Variants in LRMDA observed in about 807,000 individuals in gnomAD.
LRMDA encodes leucine-rich melanocyte differentiation-associated protein.
Under a neutral mutation model 29.8 loss-of-function variants are expected in LRMDA, and 18 were observed. The ratio of observed to expected loss-of-function variants is 0.60; its 90% confidence interval spans 0.42 to 0.90. The LOEUF is 0.90. Among genes scored for constraint, LRMDA ranks in the 40% least tolerant of loss-of-function variants. The pLI is 0.00. For synonymous variants in LRMDA, 125 were observed against 109.4 expected (o/e 1.14, Z -0.89); for missense variants, 273 against 273.9 (o/e 1.00, Z 0.02).
At chr10:76,074,955 T>C (rs1314491757) in intron 5 of LRMDA, among the ~76,000 whole-genome samples, 1 of 152,106 alleles carries the variant, frequency 6.6e-6, no homozygotes, top group East Asian at 1.9e-4. Context: ...GGCTCTGCAT[T>C]TTTCTTGGGC....
chr10:76,061,143 C>A (rs1848695588), intron 5 of LRMDA, among the ~76,000 whole-genome samples: 1 of 152,100 alleles, frequency 6.6e-6, no homozygotes, highest in East Asian at 1.9e-4. Flanking sequence ...AGTGACAGAT[C>A]AGATAAAGAA....
At chr10:75,704,121 T>C (rs764420172) in intron 2 of LRMDA, among the ~76,000 whole-genome samples, 21 of 152,192 alleles carry the variant, frequency 1.4e-4, no homozygotes, top group Non-Finnish European at 1.8e-4. Flanking sequence ...CTCTGACATA[T>C]TTTAGAAAGG....
chr10:76,173,474 T>C (rs769635905), intron 5 of LRMDA, among the ~76,000 whole-genome samples: 1 of 152,186 alleles, frequency 6.6e-6, no homozygotes, highest in East Asian at 1.9e-4. Context: ...AGGAACCAGA[T>C]AGAAGGCACA....
chr10:76,500,167 C>A (rs1842900503), intron 6 of LRMDA, among the ~76,000 whole-genome samples: 1 of 75,948 alleles, frequency 1.3e-5, no homozygotes, highest in Non-Finnish European at 4.4e-5. Flanking sequence ...AGCCACTGGG[C>A]CTGGCCTTAG....
intron 2 of LRMDA, among the ~76,000 whole-genome samples, chr10:75,860,320 T>G (rs1844904834): frequency 7.0e-6 from 1 of 143,628 alleles, no homozygotes; most frequent in Non-Finnish European, 1.5e-5. Context: ...GGTTTTTTTT[T>G]TTTTTTTTTT....
At chr10:75,738,719 A>G (rs1842794930) in intron 2 of LRMDA, among the ~76,000 whole-genome samples, 1 of 152,154 alleles carries the variant, frequency 6.6e-6, no homozygotes, top group South Asian at 2.1e-4. Flanking sequence ...CTTGCAGTTT[A>G]TATGAAGTAT....
chr10:75,547,619 A>G (rs1005643417), intron 2 of LRMDA, among the ~76,000 whole-genome samples: 2 of 152,162 alleles, frequency 1.3e-5, no homozygotes, highest in Non-Finnish European at 2.9e-5. Flanking sequence ...GCCCCATCTG[A>G]GTTTCCAGAC....
intron 4 of LRMDA, among the ~76,000 whole-genome samples, chr10:76,056,311 G>C (rs1378017566): frequency 1.3e-5 from 2 of 152,178 alleles, no homozygotes; most frequent in Non-Finnish European, 2.9e-5. Context: ...GGCCACAGCA[G>C]GGTCCAGAAA....
intron 2 of LRMDA, among the ~76,000 whole-genome samples, chr10:75,573,558 A>G (rs1840463323): frequency 6.6e-6 from 1 of 152,030 alleles, no homozygotes; most frequent in Non-Finnish European, 1.5e-5. Flanking sequence ...TTTCAGTTGT[A>G]TCTTATATTC....
chr10:75,739,531 A>G (rs974951269), intron 2 of LRMDA, among the ~76,000 whole-genome samples: 1 of 152,186 alleles, frequency 6.6e-6, no homozygotes, highest in Non-Finnish European at 1.5e-5. Context: ...GAATGGCTAC[A>G]GCTGTTCTTG....
intron 5 of LRMDA, among the ~76,000 whole-genome samples, chr10:76,130,115 GTTTT>G (rs35171640): frequency 7.1e-6 from 1 of 140,682 alleles, no homozygotes. Context: ...GCTGCTCAAA[GTTTT>G]TTTTTTTTTT....
chr10:76,383,708 G>A (rs898950321), intron 6 of LRMDA, among the ~76,000 whole-genome samples: 3 of 151,972 alleles, frequency 2.0e-5, no homozygotes, highest in African/African-American at 7.3e-5. Flanking sequence ...GGGATTACAG[G>A]CGTGAGCCAC....
At chr10:75,575,985 T>C in intron 2 of LRMDA, among the ~76,000 whole-genome samples, 2 of 146,784 alleles carry the variant, frequency 1.4e-5, no homozygotes, top group African/African-American at 2.5e-5. Context: ...TTTTTTTCAC[T>C]CCTCAGTGGC....
chr10:76,379,569 C>T (rs1458839454), intron 6 of LRMDA, among the ~76,000 whole-genome samples: 1 of 151,894 alleles, frequency 6.6e-6, no homozygotes, highest in Non-Finnish European at 1.5e-5. Flanking sequence ...GTAATGTGTT[C>T]TTTATCACTT....
intron 5 of LRMDA, among the ~76,000 whole-genome samples, chr10:76,301,416 C>T (rs1266462033): frequency 1.3e-5 from 2 of 152,216 alleles, no homozygotes; most frequent in Non-Finnish European, 2.9e-5. Flanking sequence ...TCTAAAACAT[C>T]CCACAGGACG....
intron 2 of LRMDA, among the ~76,000 whole-genome samples, chr10:75,559,638 T>A (rs1484882942): frequency 1.3e-5 from 2 of 149,712 alleles, no homozygotes; most frequent in East Asian, 3.9e-4. Flanking sequence ...AATGCCTAGG[T>A]TTTCTTCTAG....
At chr10:76,149,597 A>T (rs1049290905) in intron 5 of LRMDA, among the ~76,000 whole-genome samples, 2 of 152,204 alleles carry the variant, frequency 1.3e-5, no homozygotes, top group Non-Finnish European at 2.9e-5. Flanking sequence ...CAGAGAAAAG[A>T]TGAAATAAAA....
chr10:75,576,432 TGGG>T (rs1043830711), intron 2 of LRMDA, among the ~76,000 whole-genome samples: 2 of 152,130 alleles, frequency 1.3e-5, no homozygotes, highest in African/African-American at 4.8e-5. Context: ...AAGGGGCAGT[TGGG>T]GGGTGCAGCT....
chr10:75,730,268 C>G (rs1367129176), intron 2 of LRMDA, among the ~76,000 whole-genome samples: 1 of 152,116 alleles, frequency 6.6e-6, no homozygotes, highest in Non-Finnish European at 1.5e-5. Flanking sequence ...ATGATATGGA[C>G]TCAAGTTGCT....
Sources: gnomAD v4.1 joint callset for allele counts (sites outside exome capture counted in the v4.1 genomes callset) on GRCh38, gnomAD v4.1.1 for gene constraint, MANE v1.5 for transcripts, NCBI Gene and HGNC (gene_info 2026-07-23, HGNC 2026-07-21) for gene names.